Variants in GCA observed in about 807,000 individuals in gnomAD.
GCA encodes the protein grancalcin, EF-hand calcium-binding protein.
GCA carries 30 observed loss-of-function variants against 32.6 expected under a neutral mutation model. The ratio of observed to expected loss-of-function variants is 0.92; its 90% CI spans 0.69 to 1.25. The LOEUF (loss-of-function observed/expected upper bound fraction) is 1.25, where lower values mean the gene tolerates loss of function less well. GCA is among the 50% of genes most tolerant of loss of function. The pLI, the probability that GCA is intolerant of heterozygous loss-of-function variation, is 0.00. For synonymous variants in GCA, 102 were observed against 84.6 expected, an observed-to-expected ratio of 1.21 and a Z score of -1.13; for missense variants, 291 against 266.8, an observed-to-expected ratio of 1.09 and a Z score of -0.63.
At position 162,359,031 on chromosome 2, in the gene GCA, ATC is replaced by A. The variant is rs1685424635; in HGVS notation, c.455-9_455-8del. ...TATTTACATTTAGAAGTTTTAATTT[ATC>A]TCTTTTTTAGGTTATAGGTTGAGTC... On this transcript the variant is annotated splice_polypyrimidine_tract_variant and intron_variant, in intron 5 of 7. Coordinates refer to ENST00000437150, the MANE Select transcript of GCA (RefSeq NM_012198.5). 8.0e-7 allele frequency: 1 copy of A among 1,244,478 alleles called. No individual in the cohort carries two copies. The highest frequency in any genetic ancestry group is 1.2e-6 in the Non-Finnish European group (1 of 858,896). 77.1% of individuals were successfully genotyped at this position (1,244,478 alleles called of 1,614,324 possible).
At chr2:162,331,439 T>A (rs1207486904) in intron 1 of GCA, among the ~76,000 whole-genome samples, 2 of 152,238 alleles carry the variant, frequency 1.3e-5, no homozygotes, top group Non-Finnish European at 2.9e-5. Context: ...CTTCAATATT[T>A]ATGCTGAGAT....
intron 3 of GCA, among the ~76,000 whole-genome samples, chr2:162,355,621 G>T (rs1685225710): frequency 6.6e-6 from 1 of 151,574 alleles, no homozygotes; most frequent in African/African-American, 2.4e-5. Context: ...AATTAGAAAA[G>T]GATTAGAAAA....
chr2:162,344,087 T>C (rs996572738), upstream of GCA: 2 of 707,206 alleles, frequency 2.8e-6, no homozygotes, highest in Non-Finnish European at 2.5e-6. Flanking sequence ...AGGGCGGGGC[T>C]GGCCTGCGGA....
chr2:162,366,382 G>A (rs542716992), downstream of GCA, among the ~76,000 whole-genome samples: 29 of 151,874 alleles, frequency 1.9e-4, no homozygotes, highest in African/African-American at 7.0e-4. Flanking sequence ...TGATGTATTC[G>A]TAGTAATAAC....
intron 1 of GCA, among the ~76,000 whole-genome samples, chr2:162,332,075 C>T (rs561530256): frequency 3.0e-4 from 46 of 151,786 alleles, no homozygotes; most frequent in African/African-American, 1.1e-3. Flanking sequence ...TTTGGCAGGC[C>T]GAGGCAGGCA....
chr2:162,337,144 A>G lies in GCA; in HGVS notation c.-30-10434A>G, dbSNP rs150524889. Reference sequence around the variant, plus strand: ...AGCCTAACCTCTGTGGACTGCGTCAATGAGCTCTCTTTTCCTCTAGCTTCT... The same window carrying G: ...AGCCTAACCTCTGTGGACTGCGTCAGTGAGCTCTCTTTTCCTCTAGCTTCT... On this transcript the variant is annotated intron_variant, in intron 1 of 4. Coordinates refer to the GCA transcript ENST00000429691. 7.9e-5 allele frequency among the ~76,000 whole-genome samples: 12 copies of G among 152,314 alleles called. No individual in the cohort carries two copies. The East Asian group carries it at 2.1e-3, about 27-fold the overall frequency.
downstream of GCA, among the ~76,000 whole-genome samples, chr2:162,366,349 A>G (rs563074549): frequency 6.5e-4 from 99 of 151,992 alleles, no homozygotes; most frequent in Middle Eastern, 0.02. Context: ...CGTGTTCTTA[A>G]CATTGCATTT....
intron 1 of GCA, among the ~76,000 whole-genome samples, chr2:162,335,204 G>T (rs1684228732): frequency 6.6e-6 from 1 of 152,124 alleles, no homozygotes. Flanking sequence ...TTGAGGTCAG[G>T]AGTTCAAGGC....
intron 4 of GCA, chr2:162,371,213 G>A (rs1685930769): frequency 2.1e-6 from 1 of 467,710 alleles, no homozygotes; most frequent in Middle Eastern, 3.4e-4. Context: ...AAAGACCTTT[G>A]TTCTCATTAC....
At chr2:162,336,046 C>A (rs1320699441) in intron 1 of GCA, among the ~76,000 whole-genome samples, 1 of 152,144 alleles carries the variant, frequency 6.6e-6, no homozygotes, top group Non-Finnish European at 1.5e-5. Flanking sequence ...TAGTTTCCTA[C>A]ATGGATGTTT....
intron 3 of GCA, among the ~76,000 whole-genome samples, chr2:162,356,153 A>G (rs562910383): frequency 6.6e-6 from 1 of 152,170 alleles, no homozygotes; most frequent in South Asian, 2.1e-4. Context: ...GCTTGGGTGA[A>G]GCCAAGTGCT....
intron 2 of GCA, among the ~76,000 whole-genome samples, chr2:162,350,123 A>G (rs1576287672): frequency 6.6e-6 from 1 of 152,212 alleles, no homozygotes; most frequent in Non-Finnish European, 1.5e-5. Flanking sequence ...AAAGGCAGCC[A>G]TGTGCCGTAG....
intron 2 of GCA, among the ~76,000 whole-genome samples, chr2:162,351,100 G>A (rs547155262): frequency 2.0e-5 from 3 of 152,248 alleles, no homozygotes; most frequent in Non-Finnish European, 4.4e-5. Context: ...ATAGGATGAA[G>A]TATTCTAAAC....
intron 1 of GCA, among the ~76,000 whole-genome samples, chr2:162,347,025 A>G (rs1684744782): frequency 6.6e-6 from 1 of 152,186 alleles, no homozygotes; most frequent in African/African-American, 2.4e-5. Flanking sequence ...TTCTTTAAAC[A>G]TTTTGCTTCC....
In GCA at chr2:162,337,179, C is replaced by G. The variant is rs1684295909; in HGVS notation, c.-30-10399C>G. Among the ~76,000 whole-genome samples, 2 of 152,168 alleles carry G rather than the reference C, an allele frequency of 1.3e-5. 1 individual carries two copies. Among genetic ancestry groups the G allele is most frequent in the South Asian group, 4.1e-4 (2 of 4,836 alleles). The stretch of plus-strand genomic sequence containing the variant: ...TTTTCCTCTAGCTTCTGATCAGATT[C>G]AGCCAATGGAAGCAATAGCAGGAAA... On this transcript the variant is annotated intron_variant, in intron 1 of 4. Coordinates refer to the GCA transcript ENST00000429691.
At chr2:162,327,868 A>C (rs1176961284) in intron 1 of GCA, among the ~76,000 whole-genome samples, 2 of 152,218 alleles carry the variant, frequency 1.3e-5, no homozygotes, top group African/African-American at 4.8e-5. Context: ...AAACTGCGCG[A>C]GAGAAAAAGT....
chr2:162,357,550 A>T (rs905071492), intron 5 of GCA, among the ~76,000 whole-genome samples: 1 of 151,830 alleles, frequency 6.6e-6, no homozygotes, highest in African/African-American at 2.4e-5. Context: ...ATCTATTTGT[A>T]TGAAAATTAA....
intron 1 of GCA, among the ~76,000 whole-genome samples, chr2:162,336,667 A>G (rs999537895): frequency 2.6e-5 from 4 of 152,182 alleles, no homozygotes; most frequent in African/African-American, 9.7e-5. Context: ...TGTCTTCTAT[A>G]TAGCCTAGTT....
chr2:162,348,092 C>T (rs555579160), intron 2 of GCA, among the ~76,000 whole-genome samples: 37 of 152,198 alleles, frequency 2.4e-4, no homozygotes, highest in African/African-American at 8.4e-4. Context: ...GATATATCTT[C>T]TTATGAGTTA....
Sources: gnomAD v4.1 joint callset for allele counts (sites outside exome capture counted in the v4.1 genomes callset) on GRCh38, gnomAD v4.1.1 for gene constraint, MANE v1.5 for transcripts, NCBI Gene and HGNC (gene_info 2026-07-23, HGNC 2026-07-21) for gene names.